FBN1: variants seen among roughly 807,000 people sequenced by gnomAD.
FBN1 encodes the protein fibrillin 1, also known as fibrillin-1.
FBN1 carries 29 observed loss-of-function variants against 365.1 expected under a neutral mutation model. The observed-to-expected ratio is 0.08, with a 90% CI of 0.06 to 0.11. The LOEUF (loss-of-function observed/expected upper bound fraction) is 0.11, where lower values mean the gene tolerates loss of function less well. FBN1 is among the 10% of genes least tolerant of loss of function. FBN1 has a pLI of 1.00. For synonymous variants in FBN1, 1,210 were observed against 1,270.5 expected (o/e 0.95, Z 1.01); for missense variants, 2,476 against 3,703.2 (o/e 0.67, Z 8.60).
chr15:48,477,354 G>A lies in FBN1; in HGVS notation c.3965-2704C>T, dbSNP rs11858650. ...ACAGGCTGTGTATCATGGGCTTTTG[G>A]GTAATAGGAGAGAGTAACTCAGGAG... On this transcript the variant is annotated intron_variant, in intron 32 of 65. Transcript: ENST00000316623. 4.2e-3 allele frequency among the ~76,000 whole-genome samples: 643 copies of A among 152,240 alleles called. 5 individuals are homozygous for A. Among genetic ancestry groups the A allele is most frequent in the Non-Finnish European group, 6.8e-3 (463 of 68,018 alleles).
At chr15:48,458,477 G>C (rs1310708761) in intron 43 of FBN1, among the ~76,000 whole-genome samples, 1 of 152,126 alleles carries the variant, frequency 6.6e-6, no homozygotes, top group African/African-American at 2.4e-5. Context: ...TCATGAAAAT[G>C]CCATATAAAG....
intron 9 of FBN1, among the ~76,000 whole-genome samples, 194 bp downstream of exon 9, chr15:48,525,936 C>T (rs531858138): frequency 1.1e-4 from 16 of 152,156 alleles, no homozygotes; most frequent in Non-Finnish European, 2.1e-4. Context: ...TTATGGGAGG[C>T]AAAACGTCTC....
At chr15:48,560,251 G>T (rs1017716227) in intron 6 of FBN1, among the ~76,000 whole-genome samples, 1 of 152,156 alleles carries the variant, frequency 6.6e-6, no homozygotes, top group Non-Finnish European at 1.5e-5. Flanking sequence ...TCCTGTAGGA[G>T]ATAGCAATAA....
intron 2 of FBN1, among the ~76,000 whole-genome samples, chr15:48,616,383 T>C (rs1889652813): frequency 1.3e-5 from 2 of 152,232 alleles, no homozygotes; most frequent in African/African-American, 4.8e-5. Flanking sequence ...ATGTAAGATT[T>C]CTCCTCTGCT....
At chr15:48,600,027 A>G in intron 5 of FBN1, 112 bp downstream of exon 5, 1 of 816,656 alleles carries the variant, frequency 1.2e-6, no homozygotes, top group South Asian at 1.4e-5. Context: ...GGACACTTGT[A>G]AACATGCTGT....
At chr15:48,546,540 G>T (rs1204947185) in intron 6 of FBN1, among the ~76,000 whole-genome samples, 4 of 152,174 alleles carry the variant, frequency 2.6e-5, no homozygotes, top group Admixed American at 2.6e-4. Context: ...AGCTTTGAGT[G>T]CAAAGGGGAA....
intron 6 of FBN1, among the ~76,000 whole-genome samples, chr15:48,557,298 A>G (rs1292077224): frequency 6.6e-6 from 1 of 152,194 alleles, no homozygotes; most frequent in African/African-American, 2.4e-5. Context: ...AAGGTCACAC[A>G]GCCACTGAAA....
At chr15:48,464,069 T>G (rs570443801) in intron 40 of FBN1, 48 bp from the exon 41 acceptor site, 67 of 1,593,742 alleles carry the variant, frequency 4.2e-5, no homozygotes, top group Admixed American at 1.2e-4. Flanking sequence ...ACTTCACATT[T>G]TGGAATGGCC....
intron 5 of FBN1, among the ~76,000 whole-genome samples, chr15:48,596,700 T>C (rs907215348): frequency 6.6e-6 from 1 of 152,246 alleles, no homozygotes; most frequent in African/African-American, 2.4e-5. Context: ...TAGCAAAGAC[T>C]CTTTTGCTTA....
intron 16 of FBN1, 65 bp downstream of exon 16, chr15:48,504,960 A>G (rs2043695589): frequency 1.2e-6 from 2 of 1,607,468 alleles, no homozygotes; most frequent in African/African-American, 1.3e-5. Flanking sequence ...GTTTGTTACC[A>G]TTGGGCTTTA....
chr15:48,565,295 T>C (rs955477178), intron 6 of FBN1, among the ~76,000 whole-genome samples: 7 of 152,072 alleles, frequency 4.6e-5, no homozygotes, highest in African/African-American at 1.5e-4. Context: ...ATTAATTTTA[T>C]ACTTGTGGTC....
chr15:48,519,768 C>T (rs1243712532), intron 10 of FBN1, among the ~76,000 whole-genome samples: 1 of 152,118 alleles, frequency 6.6e-6, no homozygotes, highest in African/African-American at 2.4e-5. Flanking sequence ...ATTTAAACTA[C>T]TATAAAGAAC....
intron 40 of FBN1, among the ~76,000 whole-genome samples, 169 bp from the exon 41 acceptor site, chr15:48,464,190 T>C (rs60920771): frequency 0.023 from 3,485 of 152,320 alleles, 66 homozygotes; most frequent in East Asian, 0.084. Flanking sequence ...TGTAAATGTG[T>C]GCCTTTTGAG....
At chr15:48,533,956 A>T in intron 8 of FBN1, 124 bp downstream of exon 8, 1 of 1,321,750 alleles carries the variant, frequency 7.6e-7, no homozygotes, top group Non-Finnish European at 1.1e-6. Context: ...TATTATATTT[A>T]CACATTCACA....
chr15:48,425,714 TA>T (rs772114180), intron 59 of FBN1, 24 bp downstream of exon 59: 1 of 1,611,284 alleles, frequency 6.2e-7, no homozygotes, highest in South Asian at 1.1e-5. Context: ...CACTTGAGGA[TA>T]AGCCATCAGA....
chr15:48,485,513 T>G lies in FBN1; in HGVS notation c.3590-17A>C. The stretch of plus-strand genomic sequence containing the variant: ...CATCAATGTCTAAAAGAAATGAAAA[T>G]AATATCACCTTCTGATATGGTTTGG... On this transcript the variant is annotated splice_polypyrimidine_tract_variant and intron_variant, in intron 29 of 65. Coordinates refer to ENST00000316623, the MANE Select transcript of FBN1 (RefSeq NM_000138.5). The G allele has an allele frequency of 6.2e-7, 1 of 1,613,886 alleles. No individual in the cohort carries two copies. Among genetic ancestry groups the G allele is most frequent in the Non-Finnish European group, 8.5e-7 (1 of 1,179,892 alleles).
intron 19 of FBN1, among the ~76,000 whole-genome samples, chr15:48,496,895 T>A (rs1288567780): frequency 6.6e-6 from 1 of 152,164 alleles, no homozygotes; most frequent in African/African-American, 2.4e-5. Flanking sequence ...GTCTAATAAA[T>A]GGTTGGGAGA....
At chr15:48,488,628 G>T in intron 25 of FBN1, 135 bp from the exon 26 acceptor site, 1 of 949,518 alleles carries the variant, frequency 1.1e-6, no homozygotes, top group South Asian at 1.6e-5. Context: ...TTCCAAGAAT[G>T]TGTGATGATC....
chr15:48,427,099 C>G lies in FBN1; in HGVS notation c.7204+468G>C, dbSNP rs1365604574. Reference sequence around the variant, plus strand: ...CAGTCTGACACTTCCTCATCCTGCTCTAGTTAAGGAGCTTGTGCTTTTCCA... The same window carrying G: ...CAGTCTGACACTTCCTCATCCTGCTGTAGTTAAGGAGCTTGTGCTTTTCCA... On this transcript the variant is annotated intron_variant, in intron 58 of 65. Coordinates refer to ENST00000316623, the MANE Select transcript of FBN1 (RefSeq NM_000138.5). Among the ~76,000 whole-genome samples the G allele has an allele frequency of 2.6e-5, 4 of 152,184 alleles. No individual in the cohort carries two copies. The South Asian group carries it at 8.3e-4, about 32-fold the overall frequency.
Sources: gnomAD v4.1 joint callset for allele counts (sites outside exome capture counted in the v4.1 genomes callset) on GRCh38, gnomAD v4.1.1 for gene constraint, MANE v1.5 for transcripts, NCBI Gene and HGNC (gene_info 2026-07-23, HGNC 2026-07-21) for gene names.